The following LIMCH1 variants were observed in gnomAD, a reference collection of about 807,000 sequenced individuals.
LIMCH1 encodes the protein LIM and calponin homology domains-containing protein 1.
LIMCH1 carries 113 observed loss-of-function variants against 176.5 expected under a neutral mutation model. The ratio of observed to expected loss-of-function variants is 0.64; its 90% confidence interval spans 0.55 to 0.75. The LOEUF (loss-of-function observed/expected upper bound fraction) is 0.75. Ranked by LOEUF, LIMCH1 falls within the 30% of genes least tolerant of loss-of-function variation. LIMCH1 has a pLI of 0.00. For missense variants in LIMCH1, 1,674 were observed against 1,814.9 expected (o/e 0.92, Z 1.41); for synonymous variants, 619 against 645.9 (o/e 0.96, Z 0.63).
chr4:41,436,236 C>G (rs1432903428), intron 1 of LIMCH1, among the ~76,000 whole-genome samples: 1 of 152,132 alleles, frequency 6.6e-6, no homozygotes, highest in Non-Finnish European at 1.5e-5. Context: ...ATCTAGGTAC[C>G]TGGACTCCAC....
intron 27 of LIMCH1, 52 bp from the exon 28 acceptor site, chr4:41,685,658 T>C (rs1585937700): frequency 2.5e-6 from 4 of 1,606,728 alleles, no homozygotes; most frequent in East Asian, 2.2e-5. Context: ...ACTTCCTAGG[T>C]AGTAAGGTGA....
At chr4:41,401,331 CAG>C (rs2058418330) in intron 1 of LIMCH1, among the ~76,000 whole-genome samples, 1 of 152,128 alleles carries the variant, frequency 6.6e-6, no homozygotes, top group Non-Finnish European at 1.5e-5. Flanking sequence ...TGTCAAAGAT[CAG>C]ATAGTTGTAG....
chr4:41,612,687 T>A, intron 4 of LIMCH1: 1 of 701,526 alleles, frequency 1.4e-6, no homozygotes, highest in Non-Finnish European at 2.6e-6. Context: ...GAATTTATAA[T>A]CACAGGCTGT....
At chr4:41,586,142 T>C (rs1324180583) in intron 1 of LIMCH1, among the ~76,000 whole-genome samples, 1 of 132,724 alleles carries the variant, frequency 7.5e-6, no homozygotes, top group Non-Finnish European at 1.6e-5. Context: ...AGGGTCTCAC[T>C]CTGTCACCTA....
Position 41,646,193 on chromosome 4 carries a change from A to T in LIMCH1, c.2324A>T (p.Lys775Ile), listed in dbSNP as rs1318749200. Residue 775 changes from lysine to isoleucine, a missense_variant, in exon 16 of 32, where the codon AAA (lysine) becomes ATA (isoleucine). By Grantham distance (102) the Lys-to-Ile change is moderately radical (BLOSUM62 -3). This residue lies in a region of LIMCH1 where 1,015 missense variants were observed against 1,102.5 expected (regional missense o/e 0.92). Transcript: ENST00000503057. ...QDLIKKEEER[K>I]KMEKLLAGED... ...TTAATCAAGAAAGAGGAAGAAAGGA[A>T]AAAAATGGAGAAGTTACTGGCTGGA... 6.2e-7 allele frequency: 1 copy of T among 1,614,076 alleles called. No individual in the cohort carries two copies. Among genetic ancestry groups the T allele is most frequent in the African/African-American group, 1.3e-5 (1 of 74,946 alleles).
At chr4:41,518,182 T>G (rs2075777475) in intron 2 of LIMCH1, among the ~76,000 whole-genome samples, 1 of 152,224 alleles carries the variant, frequency 6.6e-6, no homozygotes, top group African/African-American at 2.4e-5. Flanking sequence ...TTTAAGAATT[T>G]TACCTTTAAT....
intron 1 of LIMCH1, among the ~76,000 whole-genome samples, chr4:41,470,354 A>G (rs1159504554): frequency 6.6e-6 from 1 of 152,054 alleles, no homozygotes; most frequent in African/African-American, 2.4e-5. Context: ...GTAAGGCTAG[A>G]CCTTACCCTT....
chr4:41,582,276 C>T (rs1004327794), intron 1 of LIMCH1, among the ~76,000 whole-genome samples: 2 of 152,168 alleles, frequency 1.3e-5, no homozygotes, highest in Non-Finnish European at 2.9e-5. Flanking sequence ...CACCGTGGAT[C>T]AGGTGGTGCC....
At chr4:41,449,424 A>G (rs1335808641) in intron 1 of LIMCH1, among the ~76,000 whole-genome samples, 10 of 152,096 alleles carry the variant, frequency 6.6e-5, no homozygotes, top group Non-Finnish European at 1.3e-4. Context: ...CTTAACAGCT[A>G]TACCTGTTTA....
At chr4:41,684,264 A>G in intron 26 of LIMCH1, 133 bp from the exon 27 acceptor site, 1 of 665,920 alleles carries the variant, frequency 1.5e-6, no homozygotes, top group Non-Finnish European at 2.3e-6. Flanking sequence ...CTATTTTAAA[A>G]TAGAATAAAT....
chr4:41,407,676 C>T (rs2059108319), intron 1 of LIMCH1, among the ~76,000 whole-genome samples: 1 of 152,194 alleles, frequency 6.6e-6, no homozygotes, highest in Non-Finnish European at 1.5e-5. Context: ...CAAGATAAAA[C>T]CAAACCAAAT....
chr4:41,675,854 T>C (rs2095199994), intron 22 of LIMCH1, among the ~76,000 whole-genome samples: 1 of 152,238 alleles, frequency 6.6e-6, no homozygotes, highest in African/African-American at 2.4e-5. Flanking sequence ...AGTGATCTGC[T>C]TGCCTGGATC....
chr4:41,369,399 T>A (rs1407639675), intron 1 of LIMCH1, among the ~76,000 whole-genome samples: 1 of 152,160 alleles, frequency 6.6e-6, no homozygotes, highest in Non-Finnish European at 1.5e-5. Context: ...TGGAGAAGGA[T>A]CTTTTACCCC....
At chr4:41,644,082 A>G (rs765278598) in intron 14 of LIMCH1, among the ~76,000 whole-genome samples, 2 of 152,002 alleles carry the variant, frequency 1.3e-5, no homozygotes, top group Non-Finnish European at 2.9e-5. Context: ...TTCATGGAAC[A>G]CCGCCCTCTT....
chr4:41,660,138 G>A (rs1013097925), intron 18 of LIMCH1, among the ~76,000 whole-genome samples: 63 of 151,848 alleles, frequency 4.1e-4, no homozygotes, highest in African/African-American at 1.5e-3. Context: ...ATCAAACTAT[G>A]TATACAGTTT....
chr4:41,556,329 AG>A, intron 1 of LIMCH1, among the ~76,000 whole-genome samples: 1 of 145,218 alleles, frequency 6.9e-6, no homozygotes, highest in Non-Finnish European at 1.5e-5. Context: ...TGGGAGGCAG[AG>A]GTTGCAGCAA....
chr4:41,612,397 C>T (rs2091534499), intron 4 of LIMCH1: 1 of 594,566 alleles, frequency 1.7e-6, no homozygotes. Flanking sequence ...CCCAGGGAAT[C>T]TGCAGTGTGG....
chr4:41,448,531 A>G (rs1161722836), intron 1 of LIMCH1, among the ~76,000 whole-genome samples: 1 of 144,580 alleles, frequency 6.9e-6, no homozygotes, highest in African/African-American at 2.9e-5. Context: ...AGCACAATTC[A>G]TTAATTTTTT....
At chr4:41,556,461 C>T (rs943014363) in intron 1 of LIMCH1, among the ~76,000 whole-genome samples, 1 of 151,138 alleles carries the variant, frequency 6.6e-6, no homozygotes, top group African/African-American at 2.4e-5. Context: ...CTGCCAGTGT[C>T]AAGGTCCCTG....
Sources: allele counts gnomAD v4.1 joint callset (sites outside exome capture counted in the v4.1 genomes callset), GRCh38; gene constraint gnomAD v4.1.1; regional missense constraint gnomAD v4.1.1; transcripts MANE v1.5; gene names NCBI Gene and HGNC (gene_info 2026-07-23, HGNC 2026-07-21).